PDE4D: variants seen among roughly 807,000 people sequenced by gnomAD.
The protein encoded by PDE4D is 3',5'-cyclic-AMP phosphodiesterase 4D.
Under a neutral mutation model 87.4 loss-of-function variants are expected in PDE4D, and 24 were observed. That is an observed-to-expected ratio of 0.27 (90% CI 0.20 to 0.39). The LOEUF is 0.39. PDE4D is among the 10% of genes least tolerant of loss of function. PDE4D has a pLI of 1.00. For synonymous variants in PDE4D, 384 were observed against 383.2 expected, an observed-to-expected ratio of 1.00 and a Z score of -0.02; for missense variants, 714 against 1,041.0, an observed-to-expected ratio of 0.69 and a Z score of 4.32.
chr5:59,159,473 T>G lies in PDE4D; in HGVS notation c.808+21122A>C, dbSNP rs181406021. Among the ~76,000 whole-genome samples, 206 of 152,248 alleles carry G rather than the reference T, an allele frequency of 1.4e-3. 2 individuals carry two copies. Among genetic ancestry groups the G allele is most frequent in the African/African-American group, 4.7e-3 (197 of 41,556 alleles). On this transcript the variant is annotated intron_variant, in intron 5 of 14. Coordinates refer to ENST00000340635, the MANE Select transcript of PDE4D (RefSeq NM_001104631.2). ...TGTACAATTATATTGTGTCAAGTCCTTGGGGGTAGGACTATATCTTATTCA... is the reference window on the plus strand; with the variant it reads ...TGTACAATTATATTGTGTCAAGTCCGTGGGGGTAGGACTATATCTTATTCA...
chr5:59,581,113 C>T (rs1824056986), intron 1 of PDE4D, among the ~76,000 whole-genome samples: 1 of 152,012 alleles, frequency 6.6e-6, no homozygotes, highest in Admixed American at 6.5e-5. Context: ...GGCTTGGAGA[C>T]ATTTTTGAGC....
At chr5:59,524,658 C>T (rs1812766259) in intron 1 of PDE4D, among the ~76,000 whole-genome samples, 1 of 152,216 alleles carries the variant, frequency 6.6e-6, no homozygotes. Flanking sequence ...TCTCTAGAGC[C>T]TGTTAGACGA....
intron 2 of PDE4D, among the ~76,000 whole-genome samples, chr5:60,108,758 G>A (rs987869215): frequency 3.9e-5 from 6 of 152,138 alleles, no homozygotes; most frequent in Admixed American, 6.5e-5. Flanking sequence ...AAGCAATGGG[G>A]AAACGATTCC....
At chr5:59,673,635 G>A (rs1277516867) in intron 1 of PDE4D, among the ~76,000 whole-genome samples, 5 of 152,090 alleles carry the variant, frequency 3.3e-5, no homozygotes, top group African/African-American at 1.2e-4. Flanking sequence ...GAAGCATGGC[G>A]CCATCTAGTG....
intron 1 of PDE4D, among the ~76,000 whole-genome samples, chr5:59,439,496 C>T (rs61389996): frequency 0.04 from 6,039 of 152,230 alleles, 406 homozygotes; most frequent in African/African-American, 0.14. Context: ...TTCCATGACA[C>T]TTAGGCCTTA....
chr5:59,921,444 T>C (rs1754660954), intron 3 of PDE4D, among the ~76,000 whole-genome samples: 2 of 152,280 alleles, frequency 1.3e-5, no homozygotes, highest in Admixed American at 6.5e-5. Context: ...ATATGAGTAC[T>C]ACAGTGCCAG....
At chr5:59,730,464 C>G (rs1325044441) in intron 1 of PDE4D, among the ~76,000 whole-genome samples, 1 of 151,132 alleles carries the variant, frequency 6.6e-6, no homozygotes, top group Non-Finnish European at 1.5e-5. Flanking sequence ...TAATTACAAA[C>G]TTTTACTTTC....
intron 1 of PDE4D, among the ~76,000 whole-genome samples, chr5:59,853,879 A>G (rs530026961): frequency 1.3e-5 from 2 of 152,172 alleles, no homozygotes; most frequent in South Asian, 4.1e-4. Flanking sequence ...ATTGTTTACA[A>G]CATGATTTAA....
chr5:58,988,613 G>A, intron 10 of PDE4D, 21 bp from the exon 11 acceptor site: 1 of 1,131,902 alleles, frequency 8.8e-7, no homozygotes, highest in Non-Finnish European at 1.3e-6. Context: ...AGACAATATA[G>A]ATAATATTAC....
intron 3 of PDE4D, among the ~76,000 whole-genome samples, chr5:59,961,344 G>C (rs11949422): frequency 0.4 from 60,326 of 150,422 alleles, 13,058 homozygotes; most frequent in East Asian, 0.87. Flanking sequence ...GGCAGAGATT[G>C]AACCTCATGA....
chr5:60,100,837 C>T (rs561088441), intron 2 of PDE4D, among the ~76,000 whole-genome samples: 12 of 152,200 alleles, frequency 7.9e-5, no homozygotes, highest in Non-Finnish European at 1.3e-4. Context: ...CACACTGTGG[C>T]ATGAGCTTTT....
chr5:59,011,985 G>C (rs1287733382), intron 6 of PDE4D, among the ~76,000 whole-genome samples: 1 of 152,216 alleles, frequency 6.6e-6, no homozygotes, highest in Non-Finnish European at 1.5e-5. Flanking sequence ...CCAGAAGAGA[G>C]TGGGGGCCAA....
intron 1 of PDE4D, among the ~76,000 whole-genome samples, chr5:59,594,065 C>T (rs1215532945): frequency 1.3e-5 from 2 of 151,894 alleles, no homozygotes; most frequent in Admixed American, 6.6e-5. Context: ...ATGCCCAACT[C>T]CAGCCCACTC....
At chr5:59,251,026 T>A (rs1044328527) in intron 1 of PDE4D, among the ~76,000 whole-genome samples, 10 of 152,132 alleles carry the variant, frequency 6.6e-5, no homozygotes, top group African/African-American at 2.2e-4. Context: ...CACAAAAAAA[T>A]TCAAGATGGA....
At chr5:60,465,419 T>C (rs1583851918) in intron 1 of PDE4D, among the ~76,000 whole-genome samples, 1 of 152,172 alleles carries the variant, frequency 6.6e-6, no homozygotes, top group East Asian at 1.9e-4. Context: ...AGCATAAATT[T>C]GACATGAAAT....
chr5:59,776,720 T>C (rs954048197), intron 1 of PDE4D, among the ~76,000 whole-genome samples: 5 of 152,202 alleles, frequency 3.3e-5, no homozygotes, highest in Admixed American at 6.5e-5. Context: ...GTATATTCAC[T>C]GTTACATAAT....
chr5:59,756,854 A>G (rs1167888604), intron 1 of PDE4D, among the ~76,000 whole-genome samples: 2 of 147,918 alleles, frequency 1.4e-5, no homozygotes, highest in African/African-American at 5.0e-5. Flanking sequence ...CTGTTGTGCA[A>G]TGGTGCAATC....
chr5:60,107,321 C>T (rs557016427), intron 2 of PDE4D, among the ~76,000 whole-genome samples: 1 of 152,074 alleles, frequency 6.6e-6, no homozygotes, highest in Admixed American at 6.5e-5. Context: ...GAAGTTGAAT[C>T]TCTGAATAGA....
intron 5 of PDE4D, among the ~76,000 whole-genome samples, chr5:59,158,364 A>C (rs6877743): frequency 0.37 from 56,693 of 152,042 alleles, 11,235 homozygotes; most frequent in Middle Eastern, 0.46. Context: ...TCACTTATAC[A>C]ATCGAGTCCC....
Sources: gnomAD v4.1 joint callset for allele counts (sites outside exome capture counted in the v4.1 genomes callset) on GRCh38, gnomAD v4.1.1 for gene constraint, MANE v1.5 for transcripts, NCBI Gene and HGNC (gene_info 2026-07-23, HGNC 2026-07-21) for gene names.